The following CACUL1 variants were observed in gnomAD, a reference collection of about 807,000 sequenced individuals.
The protein encoded by CACUL1 is CDK2-associated and cullin domain-containing protein 1.
Under a neutral mutation model 45.2 loss-of-function variants are expected in CACUL1, and 13 were observed. The observed-to-expected ratio is 0.29, with a 90% CI of 0.19 to 0.46. The LOEUF (loss-of-function observed/expected upper bound fraction) is 0.46. Ranked by LOEUF, CACUL1 falls within the 20% of genes least tolerant of loss-of-function variation. The probability of loss-of-function intolerance (pLI) is 1.00; values close to 1 mark genes in which losing one functional copy is unlikely to be tolerated. For missense variants in CACUL1, 421 were observed against 471.4 expected (o/e 0.89, Z 0.99); for synonymous variants, 197 against 174.2 (o/e 1.13, Z -1.03).
At chr10:118,717,592 T>C (rs1273520434) in intron 3 of CACUL1, among the ~76,000 whole-genome samples, 2 of 152,174 alleles carry the variant, frequency 1.3e-5, no homozygotes, top group Admixed American at 6.5e-5. Flanking sequence ...TGAGAAGAAT[T>C]TCAGAGTGAC....
intron 1 of CACUL1, 127 bp downstream of exon 1, chr10:118,754,269 C>CTTT: frequency 7.4e-7 from 1 of 1,357,832 alleles, no homozygotes; most frequent in Non-Finnish European, 9.7e-7. Flanking sequence ...GAGGCGAAGG[C>CTTT]GGACGGGGAG....
At position 118,681,876 on chromosome 10, in the gene CACUL1, T is replaced by G. The variant is rs1399302153; in HGVS notation, c.*4252A>C. 6.6e-6 allele frequency: 1 copy of G among 152,192 alleles called. No homozygotes were observed. The highest frequency in any genetic ancestry group is 1.5e-5 in the Non-Finnish European group (1 of 68,038). The allele number at this position is 152,192 out of a possible 1,614,324, so 9.4% of individuals were successfully genotyped here. On this transcript the variant is annotated 3_prime_UTR_variant, in exon 9 of 9. Coordinates refer to ENST00000369151, the MANE Select transcript of CACUL1 (RefSeq NM_153810.5). ...GGGGACAGAGAGGAATGATTTCCCT[T>G]GGAAAACAACAGGGTTCCTTTCTCA...
chr10:118,715,665 T>C (rs909669183), intron 3 of CACUL1, among the ~76,000 whole-genome samples: 1 of 152,218 alleles, frequency 6.6e-6, no homozygotes, highest in Non-Finnish European at 1.5e-5. Flanking sequence ...AAACGAGTTC[T>C]ACAATTTCAT....
rs543048029 is a variant in CACUL1, at chr10:118,685,125, C to T, written c.*1003G>A. 1 of 152,238 alleles carries T rather than the reference C, an allele frequency of 6.6e-6. No individual in the cohort carries two copies. Among genetic ancestry groups the T allele is most frequent in the South Asian group, 2.1e-4 (1 of 4,824 alleles). 9.4% of individuals were successfully genotyped at this position (152,238 alleles called of 1,614,324 possible). ...TCATTTAAAATGAAGTGATCAGGAA[C>T]CCCACACCACTGTGTATTTGGACTT... is the stretch of plus-strand genomic sequence containing the variant. On this transcript the variant is annotated 3_prime_UTR_variant, in exon 9 of 9. Coordinates refer to ENST00000369151, the MANE Select transcript of CACUL1 (RefSeq NM_153810.5).
rs117250899 is a variant in CACUL1, at chr10:118,729,882, T to C, written c.494+402A>G. Among the ~76,000 whole-genome samples the C allele has an allele frequency of 1.4e-3, 208 of 152,306 alleles. 2 individuals are homozygous for C. In the East Asian group the frequency reaches 0.029, roughly 21 times the overall value. On this transcript the variant is annotated intron_variant, in intron 2 of 8. Transcript: ENST00000369151. ...GTGCTGATCTCATATCCCACCCCAC[T>C]TCCTAATTTGCTGCTTCCATTAACA...
At chr10:118,692,390 A>G (rs1845280755) in intron 6 of CACUL1, 2 of 152,244 alleles carry the variant, frequency 1.3e-5, no homozygotes, top group Admixed American at 6.5e-5. Context: ...TATCTTTATT[A>G]TAACGAATAT....
chr10:118,694,930 T>C, intron 6 of CACUL1: 1 of 408,874 alleles, frequency 2.4e-6, no homozygotes, highest in Non-Finnish European at 4.6e-6. Flanking sequence ...TCACAGGTTC[T>C]GCAAAAACCA....
chr10:118,700,716 C>CAAAAAAAAAAAAAAAA lies in CACUL1; in HGVS notation c.796+574_796+589dup, dbSNP rs59032746. ...TAGGCGACAGAGCGAGACTCCGTCT[C>CAAAAAAAAAAAAAAAA]AAAAAAAAAAAAAAAAAAAGAATGG... On this transcript the variant is annotated intron_variant, in intron 5 of 8. Coordinates refer to ENST00000369151, the MANE Select transcript of CACUL1 (RefSeq NM_153810.5). Among the ~76,000 whole-genome samples the CAAAAAAAAAAAAAAAA allele has an allele frequency of 9.3e-4, 123 of 132,892 alleles. 1 individual carries two copies. The highest frequency in any genetic ancestry group is 3.8e-3 in the African/African-American group (122 of 31,722). 87.2% of individuals were successfully genotyped at this position (132,892 alleles called of 152,430 possible).
chr10:118,690,480 CGTTA>C (rs998699481), intron 7 of CACUL1, among the ~76,000 whole-genome samples: 114 of 152,054 alleles, frequency 7.5e-4, no homozygotes, highest in African/African-American at 2.7e-3. Context: ...GATATGACCA[CGTTA>C]ATTAAGCGCA....
intron 3 of CACUL1, among the ~76,000 whole-genome samples, chr10:118,717,072 T>G (rs1412466346): frequency 6.6e-6 from 1 of 152,200 alleles, no homozygotes; most frequent in African/African-American, 2.4e-5. Context: ...TCCAAAGTCT[T>G]GATTCAGAAA....
Position 118,682,319 on chromosome 10 carries a change from T to A in CACUL1, c.*3809A>T, listed in dbSNP as rs1845160834. 2 of 152,208 alleles carry A rather than the reference T, an allele frequency of 1.3e-5. No homozygotes were observed. The highest frequency in any genetic ancestry group is 4.1e-4 in the South Asian group (2 of 4,828). 9.4% of individuals were successfully genotyped at this position (152,208 alleles called of 1,614,324 possible). On this transcript the variant is annotated 3_prime_UTR_variant, in exon 9 of 9. Coordinates refer to ENST00000369151, the MANE Select transcript of CACUL1 (RefSeq NM_153810.5). ...ATGCTCAGTTATTTTAATAGCTGCT[T>A]ATGAAACAATAACAGTTTAACTCAA...
At chr10:118,692,829 C>T (rs1845285520) in intron 6 of CACUL1, 1 of 152,168 alleles carries the variant, frequency 6.6e-6, no homozygotes, top group South Asian at 2.1e-4. Flanking sequence ...AATAAAACGT[C>T]TAACAGGAGA....
rs952244252 is a variant in CACUL1, at chr10:118,685,464, C to A, written c.*664G>T. On this transcript the variant is annotated 3_prime_UTR_variant, in exon 9 of 9. Coordinates refer to ENST00000369151, the MANE Select transcript of CACUL1 (RefSeq NM_153810.5). ...CATCTTGGTGGGTGAGTTTAGATAC[C>A]ATACACTTCTCCAGGAGGAGTTTGA... 6.6e-6 allele frequency: 1 copy of A among 151,252 alleles called. No individual in the cohort carries two copies. The highest frequency in any genetic ancestry group is 1.5e-5 in the Non-Finnish European group (1 of 67,576). 9.4% of individuals were successfully genotyped at this position (151,252 alleles called of 1,614,324 possible).
intron 1 of CACUL1, among the ~76,000 whole-genome samples, chr10:118,733,721 G>C (rs1347959247): frequency 6.6e-6 from 1 of 152,110 alleles, no homozygotes; most frequent in Non-Finnish European, 1.5e-5. Flanking sequence ...CTCACCAAAA[G>C]AAAAAGTAGG....
intron 3 of CACUL1, among the ~76,000 whole-genome samples, chr10:118,723,536 T>C (rs1373392898): frequency 1.3e-5 from 2 of 152,196 alleles, no homozygotes; most frequent in African/African-American, 4.8e-5. Flanking sequence ...AAAAACACTT[T>C]TATTTGTGTA....
intron 6 of CACUL1, among the ~76,000 whole-genome samples, chr10:118,694,652 C>G (rs1268284758): frequency 6.6e-6 from 1 of 152,090 alleles, no homozygotes; most frequent in Non-Finnish European, 1.5e-5. Flanking sequence ...ATTTAAAAAC[C>G]ATGCTTTTGA....
intron 1 of CACUL1, among the ~76,000 whole-genome samples, chr10:118,754,063 A>G (rs2119694244): frequency 6.6e-6 from 1 of 152,304 alleles, no homozygotes; most frequent in South Asian, 2.1e-4. Flanking sequence ...AAACTTCAAG[A>G]GAAGACGGGT....
At chr10:118,704,438 T>C (rs1352184487) in intron 4 of CACUL1, among the ~76,000 whole-genome samples, 1 of 152,202 alleles carries the variant, frequency 6.6e-6, no homozygotes, top group Non-Finnish European at 1.5e-5. Context: ...GGCAGTCAAA[T>C]GCCTAGGCAG....
In CACUL1 at chr10:118,754,937, A is replaced by G. The variant is rs1845943291; in HGVS notation, c.-175T>C. On this transcript the variant is annotated 5_prime_UTR_variant, in exon 1 of 9. Transcript: ENST00000369151. ...CTCCGCGGGGCCGACTAGCTTGAAG[A>G]CGCGGCTGACGGCGGTGGGCGCTCC... 2.4e-6 allele frequency: 2 copies of G among 822,098 alleles called. No homozygotes were observed. The highest frequency in any genetic ancestry group is 7.6e-4 in the Middle Eastern group (2 of 2,616). 50.9% of individuals were successfully genotyped at this position (822,098 alleles called of 1,614,324 possible).
Sources: allele counts gnomAD v4.1 joint callset (sites outside exome capture counted in the v4.1 genomes callset), GRCh38; gene constraint gnomAD v4.1.1; transcripts MANE v1.5; gene names NCBI Gene and HGNC (gene_info 2026-07-23, HGNC 2026-07-21).